ME3: variants seen among roughly 807,000 people sequenced by gnomAD.
ME3 encodes NADP-dependent malic enzyme, mitochondrial.
ME3 carries 48 observed loss-of-function variants against 68.9 expected under a neutral mutation model. The ratio of observed to expected loss-of-function variants is 0.70; its 90% CI spans 0.55 to 0.89. The LOEUF is 0.89. ME3 is among the 40% of genes least tolerant of loss of function. The probability of loss-of-function intolerance (pLI) is 0.00; values close to 1 mark genes in which losing one functional copy is unlikely to be tolerated. For synonymous variants in ME3, 320 were observed against 318.8 expected (o/e 1.00, Z -0.04); for missense variants, 675 against 797.4 (o/e 0.85, Z 1.85).
In ME3 at chr11:86,459,864, G is replaced by A. The variant is rs533674610; in HGVS notation, c.919+5227C>T. On this transcript the variant is annotated intron_variant, in intron 8 of 14. Coordinates refer to ENST00000543262, the Ensembl canonical transcript of ME3. ...AGATTTAGCAGGATTGGTGGACAATGCAGGTCCAGGGAAGGCTGGCCAGGT... is the reference window on the plus strand; with the variant it reads ...AGATTTAGCAGGATTGGTGGACAATACAGGTCCAGGGAAGGCTGGCCAGGT... Among the ~76,000 whole-genome samples, 211 of 152,332 alleles carry A rather than the reference G, an allele frequency of 1.4e-3. 1 individual carries two copies. Among genetic ancestry groups the A allele is most frequent in the South Asian group, 5.0e-3 (24 of 4,820 alleles).
At chr11:86,516,399 GT>G (rs1170903299) in intron 4 of ME3, among the ~76,000 whole-genome samples, 1 of 149,436 alleles carries the variant, frequency 6.7e-6, no homozygotes, top group East Asian at 2.0e-4. Context: ...ATATATATAT[GT>G]TTTGAGAGAT....
intron 2 of ME3, among the ~76,000 whole-genome samples, chr11:86,615,658 G>A (rs1942906229): frequency 6.6e-6 from 1 of 152,120 alleles, no homozygotes; most frequent in Non-Finnish European, 1.5e-5. Context: ...ATACACATGG[G>A]GGTGTTGGTG....
At chr11:86,643,093 C>A (rs1944770413) in intron 2 of ME3, among the ~76,000 whole-genome samples, 1 of 152,114 alleles carries the variant, frequency 6.6e-6, no homozygotes, top group Non-Finnish European at 1.5e-5. Context: ...CTTCCTTAGG[C>A]CTCTCATGTC....
In ME3 at chr11:86,560,748, G is replaced by GTATATATATATA. The variant is rs142056305; in HGVS notation, c.184-937_184-926dup. 1.5e-3 allele frequency among the ~76,000 whole-genome samples: 93 copies of GTATATATATATA among 62,498 alleles called. 2 individuals carry two copies. The highest frequency in any genetic ancestry group is 7.1e-3 in the Middle Eastern group (1 of 140). The allele number at this position is 62,498 out of a possible 152,430, so 41.0% of individuals were successfully genotyped here. A position where few individuals can be genotyped will look rare whatever the true frequency, so the allele number is the denominator to read the frequency against. ...TGTATGTGTGTGTGTGTGTGTGTGT[G>GTATATATATATA]TATATATATATATATATATATATAT... On this transcript the variant is annotated intron_variant, in intron 2 of 14. Transcript: ENST00000543262.
At chr11:86,653,127 C>T (rs1945583265) in intron 2 of ME3, among the ~76,000 whole-genome samples, 1 of 152,160 alleles carries the variant, frequency 6.6e-6, no homozygotes, top group African/African-American at 2.4e-5. Context: ...GAGACTTAGA[C>T]TCCCACACAA....
intron 2 of ME3, among the ~76,000 whole-genome samples, chr11:86,628,773 C>G (rs1462331819): frequency 6.6e-6 from 1 of 152,164 alleles, no homozygotes; most frequent in Non-Finnish European, 1.5e-5. Flanking sequence ...ACCGCAGTTG[C>G]AACTCCTGCA....
At chr11:86,610,938 G>A (rs1942526685) in intron 2 of ME3, among the ~76,000 whole-genome samples, 1 of 152,188 alleles carries the variant, frequency 6.6e-6, no homozygotes, top group Non-Finnish European at 1.5e-5. Context: ...CCAGTTGTCA[G>A]GCAGCTGTAG....
intron 7 of ME3, among the ~76,000 whole-genome samples, chr11:86,486,513 A>T (rs1565845784): frequency 6.6e-6 from 1 of 152,130 alleles, no homozygotes; most frequent in Non-Finnish European, 1.5e-5. Context: ...TTCTGGTTGG[A>T]GAAGCTGAGC....
chr11:86,597,584 A>T (rs1435099396), intron 2 of ME3, among the ~76,000 whole-genome samples: 1 of 152,236 alleles, frequency 6.6e-6, no homozygotes, highest in Non-Finnish European at 1.5e-5. Flanking sequence ...GTGCAGCTTT[A>T]GACACAGCAT....
chr11:86,477,238 A>G (rs1027659321), intron 7 of ME3, among the ~76,000 whole-genome samples: 7 of 152,230 alleles, frequency 4.6e-5, no homozygotes, highest in Non-Finnish European at 1.0e-4. Flanking sequence ...CAGGCAGTCT[A>G]GCTCTAGAAT....
intron 2 of ME3, among the ~76,000 whole-genome samples, chr11:86,670,183 C>T (rs753747379): frequency 2.0e-5 from 3 of 152,122 alleles, no homozygotes; most frequent in Non-Finnish European, 4.4e-5. Flanking sequence ...CTTTCTGAGG[C>T]GTCAGAGAAA....
intron 2 of ME3, among the ~76,000 whole-genome samples, chr11:86,633,564 C>T (rs181650764): frequency 6.6e-5 from 10 of 152,270 alleles, no homozygotes; most frequent in Admixed American, 3.9e-4. Context: ...CTAGACAGGA[C>T]GCTTAGGGAC....
chr11:86,557,299 C>T (rs1325581471), intron 3 of ME3, among the ~76,000 whole-genome samples: 3 of 152,156 alleles, frequency 2.0e-5, no homozygotes, highest in Non-Finnish European at 4.4e-5. Context: ...GACCTGAAAT[C>T]ACTAAGCCAG....
rs143284987 is a variant in ME3 at position 86,533,762 on chromosome 11, G to A, written c.467+22791C>T. Among the ~76,000 whole-genome samples, 72 of 152,276 alleles carry A rather than the reference G, an allele frequency of 4.7e-4. 1 individual carries two copies. In the East Asian group the frequency reaches 0.013, roughly 27 times the overall value. On this transcript the variant is annotated intron_variant, in intron 4 of 14. Transcript: ENST00000543262. ...TCAACAAAATACAGTCACAGTGGAT[G>A]TATGTTTTGGAAAATGCATAATTAG...
At chr11:86,649,768 C>A (rs1308407858) in intron 2 of ME3, among the ~76,000 whole-genome samples, 1 of 152,156 alleles carries the variant, frequency 6.6e-6, no homozygotes, top group Non-Finnish European at 1.5e-5. Flanking sequence ...TGAAGGACTC[C>A]TTCAAGGAGA....
intron 4 of ME3, among the ~76,000 whole-genome samples, chr11:86,528,695 A>C (rs1222047055): frequency 1.3e-5 from 2 of 151,914 alleles, no homozygotes; most frequent in Non-Finnish European, 2.9e-5. Context: ...ACTCAGGATT[A>C]AGAAACTCAC....
chr11:86,663,636 A>G (rs1946417055), intron 2 of ME3, among the ~76,000 whole-genome samples: 1 of 152,230 alleles, frequency 6.6e-6, no homozygotes. Flanking sequence ...TGCAATGGCC[A>G]TAGAAATCAA....
chr11:86,638,563 T>C (rs1240292381), intron 2 of ME3, among the ~76,000 whole-genome samples: 3 of 152,184 alleles, frequency 2.0e-5, no homozygotes, highest in Non-Finnish European at 4.4e-5. Flanking sequence ...TGACACATTA[T>C]CTTTCAAGTT....
chr11:86,563,665 A>T (rs1482924459), intron 2 of ME3, among the ~76,000 whole-genome samples: 1 of 152,148 alleles, frequency 6.6e-6, no homozygotes, highest in Non-Finnish European at 1.5e-5. Context: ...TCTTTTGCAT[A>T]TGGCTAGCCA....
Sources: gnomAD v4.1 joint callset for allele counts (sites outside exome capture counted in the v4.1 genomes callset) on GRCh38, gnomAD v4.1.1 for gene constraint, MANE v1.5 for transcripts, NCBI Gene and HGNC (gene_info 2026-07-23, HGNC 2026-07-21) for gene names.